Variants in ATP11A observed in about 807,000 individuals in gnomAD.
ATP11A encodes ATPase phospholipid transporting 11A.
In ATP11A, 81 loss-of-function variants were observed where a neutral mutation model predicts 154.4. That is an observed-to-expected ratio of 0.52 (90% CI 0.44 to 0.63). The LOEUF (loss-of-function observed/expected upper bound fraction) is 0.63. Ranked by LOEUF, ATP11A falls within the 30% of genes least tolerant of loss-of-function variation. The probability of loss-of-function intolerance (pLI) is 0.00; values close to 1 mark genes in which losing one functional copy is unlikely to be tolerated. For missense variants in ATP11A, 1,316 were observed against 1,474.3 expected (o/e 0.89, Z 1.76); for synonymous variants, 623 against 585.9 (o/e 1.06, Z -0.91).
chr13:112,766,068 C>CCG (rs766195478), intron 1 of ATP11A, among the ~76,000 whole-genome samples: 11 of 152,198 alleles, frequency 7.2e-5, no homozygotes, highest in Non-Finnish European at 1.3e-4. Flanking sequence ...GCAGCGTTTT[C>CCG]CGATGTGCCC....
intron 24 of ATP11A, among the ~76,000 whole-genome samples, chr13:112,861,251 C>A (rs1303339463): frequency 6.6e-6 from 1 of 152,192 alleles, no homozygotes; most frequent in Non-Finnish European, 1.5e-5. Context: ...ATAGGTGCTA[C>A]AATTCAAGAC....
intron 1 of ATP11A, among the ~76,000 whole-genome samples, chr13:112,784,772 C>T (rs923552497): frequency 1.3e-5 from 2 of 152,168 alleles, no homozygotes; most frequent in African/African-American, 2.4e-5. Context: ...ATCCGCCCAT[C>T]TCGGCCTCCC....
At chr13:112,876,126 G>T in intron 28 of ATP11A, 185 bp downstream of exon 28, 1 of 543,690 alleles carries the variant, frequency 1.8e-6, no homozygotes, top group Non-Finnish European at 2.9e-6. Flanking sequence ...GATGACCGAT[G>T]TCTAATTTTA....
chr13:112,849,000 T>G (rs2079686542), intron 17 of ATP11A, among the ~76,000 whole-genome samples: 1 of 152,236 alleles, frequency 6.6e-6, no homozygotes. Flanking sequence ...TTTTTTCACT[T>G]AAGTGGTTTT....
Position 112,819,906 on chromosome 13 carries a change from G to C in ATP11A, c.681G>C (p.Val227=). 6.2e-7 allele frequency: 1 copy of C among 1,614,048 alleles called. No individual in the cohort carries two copies. ...GTGGCTTTTCTGTCGCCAGGTTCGT[G>C]GGTCGCATCAACGTTTACAGTGACC... ...EQPQPDLYKF[V]GRINVYSDLN... Residue 227 remains valine, a synonymous_variant, in exon 8 of 30, where the codon GTG becomes GTC. Coordinates refer to ENST00000375645, the MANE Select transcript of ATP11A (RefSeq NM_015205.3).
Position 112,851,329 on chromosome 13 carries a change from G to A in ATP11A, c.1991+111G>A, listed in dbSNP as rs896890711. On this transcript the variant is annotated intron_variant, in intron 18 of 29. Coordinates refer to ENST00000375645, the MANE Select transcript of ATP11A (RefSeq NM_015205.3). ...AGGGAGGCCATCCGCACAGCCGACG[G>A]GGCGTGTTTGCTGCTCAGGGAGAGG... 2.8e-6 allele frequency: 3 copies of A among 1,061,358 alleles called. No homozygotes were observed. The African/African-American group carries it at 4.8e-5, about 17-fold the overall frequency. The allele number at this position is 1,061,358 out of a possible 1,614,324, so 65.7% of individuals were successfully genotyped here.
intron 8 of ATP11A, among the ~76,000 whole-genome samples, chr13:112,820,376 TCTGGGGTGCATTA>T (rs2078766939): frequency 6.6e-6 from 1 of 152,192 alleles, no homozygotes; most frequent in Non-Finnish European, 1.5e-5. Flanking sequence ...TCACCATCAT[TCTGGGGTGCATTA>T]CTGGCTCAAG....
intron 4 of ATP11A, 26 bp from the exon 5 acceptor site, chr13:112,810,593 C>T (rs771430309): frequency 2.4e-5 from 38 of 1,587,902 alleles, no homozygotes; most frequent in Non-Finnish European, 3.1e-5. Flanking sequence ...TGCTTCCTCT[C>T]TCCCTTCTTT....
chr13:112,726,400 G>A (rs1458526086), intron 1 of ATP11A, among the ~76,000 whole-genome samples: 1 of 152,214 alleles, frequency 6.6e-6, no homozygotes, highest in Non-Finnish European at 1.5e-5. Context: ...CAGGGAGAGG[G>A]GCCATGGGGC....
At chr13:112,798,882 G>C (rs2078065101) in intron 2 of ATP11A, among the ~76,000 whole-genome samples, 1 of 152,120 alleles carries the variant, frequency 6.6e-6, no homozygotes, top group Admixed American at 6.5e-5. Context: ...GAAACTGTCA[G>C]AATAGAAAAA....
At chr13:112,757,137 GCT>G (rs2076860333) in intron 1 of ATP11A, among the ~76,000 whole-genome samples, 1 of 152,220 alleles carries the variant, frequency 6.6e-6, no homozygotes, top group Admixed American at 6.5e-5. Flanking sequence ...TACTGGTGGA[GCT>G]ATGCAAGCTC....
intron 1 of ATP11A, among the ~76,000 whole-genome samples, chr13:112,711,838 A>G (rs550686694): frequency 1.3e-5 from 2 of 152,320 alleles, no homozygotes; most frequent in South Asian, 4.1e-4. Flanking sequence ...GCAAGGCTCC[A>G]CGCCCTCTCC....
chr13:112,712,187 T>G lies in ATP11A; in HGVS notation c.39+21732T>G, dbSNP rs536249161. On this transcript the variant is annotated intron_variant, in intron 1 of 29. Transcript: ENST00000375645. Reference sequence around the variant, plus strand: ...CTATGCTGCTTGAAAATAGCACAGATGCATTTTGCTTCACGGTGAAATGTG... The same window carrying G: ...CTATGCTGCTTGAAAATAGCACAGAGGCATTTTGCTTCACGGTGAAATGTG... Among the ~76,000 whole-genome samples the G allele has an allele frequency of 2.0e-5, 3 of 152,312 alleles. No individual in the cohort carries two copies. The East Asian group carries it at 5.8e-4, about 29-fold the overall frequency.
At chr13:112,709,753 A>G (rs1264429383) in intron 1 of ATP11A, among the ~76,000 whole-genome samples, 1 of 152,262 alleles carries the variant, frequency 6.6e-6, no homozygotes, top group Non-Finnish European at 1.5e-5. Flanking sequence ...CCTAAAATGT[A>G]TAAAACCAAG....
chr13:112,765,745 C>T (rs951072380), intron 1 of ATP11A, among the ~76,000 whole-genome samples: 5 of 152,216 alleles, frequency 3.3e-5, no homozygotes, highest in Non-Finnish European at 5.9e-5. Flanking sequence ...TCTCTGAGAA[C>T]GAAAGCTCTG....
At chr13:112,768,397 G>A (rs2077148443) in intron 1 of ATP11A, among the ~76,000 whole-genome samples, 1 of 152,218 alleles carries the variant, frequency 6.6e-6, no homozygotes, top group Non-Finnish European at 1.5e-5. Context: ...TCAGCTTTGG[G>A]GATCCAGGGT....
chr13:112,849,018 T>G (rs2079687308), intron 17 of ATP11A, among the ~76,000 whole-genome samples: 1 of 152,248 alleles, frequency 6.6e-6, no homozygotes. Context: ...TTTTACCACG[T>G]TGAGGAGGTT....
At chr13:112,880,871 T>C (rs1239529032) in intron 29 of ATP11A, 3 of 1,039,458 alleles carry the variant, frequency 2.9e-6, no homozygotes. Context: ...GTGTGCACAC[T>C]CACCCCACAC....
In ATP11A at chr13:112,690,161, AGC is replaced by A. The variant is rs1418459023; in HGVS notation, c.-244_-243del. On this transcript the variant is annotated 5_prime_UTR_variant, in exon 1 of 30. Transcript: ENST00000375645. The surrounding 1 kb of genome is among the most constrained non-coding windows in gnomAD (Gnocchi z 5.6). ...CCGACGGGGAGAGAGAAGGCGCCAGAGCGCGCGCGCGCGGCCCCGAGCAGCAG... is the reference window on the plus strand; with the variant it reads ...CCGACGGGGAGAGAGAAGGCGCCAGAGCGCGCGCGCGGCCCCGAGCAGCAG... Among the ~76,000 whole-genome samples, 10 of 147,540 alleles carry A rather than the reference AGC, an allele frequency of 6.8e-5. No homozygotes were observed. Among genetic ancestry groups the A allele is most frequent in the Admixed American group, 1.3e-4 (2 of 14,900 alleles).
Sources: gnomAD v4.1 joint callset for allele counts (sites outside exome capture counted in the v4.1 genomes callset) on GRCh38, gnomAD v4.1.1 for gene constraint, Gnocchi (gnomAD v3.1) non-coding constraint, MANE v1.5 for transcripts, NCBI Gene and HGNC (gene_info 2026-07-23, HGNC 2026-07-21) for gene names.